THPO: variants seen among roughly 807,000 people sequenced by gnomAD.
THPO encodes the protein thrombopoietin.
In THPO, 12 loss-of-function variants were observed where a neutral mutation model predicts 17.0. That is an observed-to-expected ratio of 0.71 (90% confidence interval 0.45 to 1.14). The LOEUF (loss-of-function observed/expected upper bound fraction) is 1.14. Among genes scored for constraint, THPO ranks in the 50% most tolerant of loss-of-function variants. THPO has a pLI of 0.00. For missense variants in THPO, 365 were observed against 427.5 expected (o/e 0.85, Z 1.29); for synonymous variants, 188 against 183.0 (o/e 1.03, Z -0.22).
intron 1 of THPO, among the ~76,000 whole-genome samples, chr3:184,377,724 T>G (rs1300599890): frequency 6.6e-6 from 1 of 152,170 alleles, no homozygotes; most frequent in Non-Finnish European, 1.5e-5. Context: ...TAACGAGGAA[T>G]GACCAGCTAA....
At chr3:184,378,585 G>C (rs1714655803), upstream of THPO, among the ~76,000 whole-genome samples, 1 of 152,186 alleles carries the variant, frequency 6.6e-6, no homozygotes, top group Non-Finnish European at 1.5e-5. Context: ...AATCCCCTAG[G>C]GAGTCCTATC....
At chr3:184,378,918 A>G (rs2108629264), upstream of THPO, 5 of 972,738 alleles carry the variant, frequency 5.1e-6, no homozygotes, top group Non-Finnish European at 6.1e-6. Flanking sequence ...GTCTTAGGAA[A>G]GACAGCTGCT....
chr3:184,377,006 C>T (rs966550552), intron 1 of THPO, among the ~76,000 whole-genome samples: 3 of 152,088 alleles, frequency 2.0e-5, no homozygotes, highest in Admixed American at 1.3e-4. Context: ...TCTTAATTAG[C>T]CTTAAATTCT....
Position 184,372,386 on chromosome 3 carries a change from TC to T in THPO, c.*126del. On this transcript the variant is annotated 3_prime_UTR_variant, in exon 6 of 6. Transcript: ENST00000647395. ...ATGATTCCCTTTTCAGTCCTGTGTATCCCTTTTACCAGGGCTTTGGGTTTCA... is the reference window on the plus strand; with the variant it reads ...ATGATTCCCTTTTCAGTCCTGTGTATCCTTTTACCAGGGCTTTGGGTTTCA... 1 of 1,134,468 alleles carries T rather than the reference TC, an allele frequency of 8.8e-7. No individual in the cohort carries two copies. The highest frequency in any genetic ancestry group is 1.3e-6 in the Non-Finnish European group (1 of 750,314). 70.3% of individuals were successfully genotyped at this position (1,134,468 alleles called of 1,614,324 possible).
chr3:184,372,979 G>A lies in THPO; in HGVS notation c.596C>T (p.Thr199Ile), dbSNP rs1226635686. ...GAAGTTTGTCTCCAACAATCCAGAAGTCCTGTTTGGGAGCTCGTTCAGTGT... is the reference window on the plus strand; with the variant it reads ...GAAGTTTGTCTCCAACAATCCAGAAATCCTGTTTGGGAGCTCGTTCAGTGT... ...VLTLNELPNR[T>I]SGLLETNFTA... The change falls in exon 6 of 6, where the codon ACT (threonine) becomes ATT (isoleucine). Residue 199 changes from threonine to isoleucine, a missense_variant. Physicochemically the swap from Thr to Ile is moderately conservative, Grantham distance 89. Coordinates refer to ENST00000647395, the MANE Select transcript of THPO (RefSeq NM_000460.4). 1 of 1,614,068 alleles carries A rather than the reference G, an allele frequency of 6.2e-7. No individual in the cohort carries two copies. The highest frequency in any genetic ancestry group is 8.5e-7 in the Non-Finnish European group (1 of 1,180,044).
intron 1 of THPO, among the ~76,000 whole-genome samples, chr3:184,376,992 C>T (rs1714473529): frequency 6.6e-6 from 1 of 152,194 alleles, no homozygotes; most frequent in South Asian, 2.1e-4. Context: ...TGTATACACA[C>T]ATATCTTAAT....
At chr3:184,378,817 C>T (rs894106342), upstream of THPO, 5 of 985,378 alleles carry the variant, frequency 5.1e-6, no homozygotes, top group South Asian at 2.3e-4. Context: ...GACCTCTGTG[C>T]CCAGGGCCCT....
In THPO at chr3:184,373,500, G is replaced by T. The variant is rs1297613826; in HGVS notation, c.311C>A (p.Pro104His). ...GVMAARGQLG[P>H]TCLSSLLGQL... Reference sequence around the variant, plus strand: ...CCCCAGGAGGGATGAGAGGCAAGTGGGTCCCAGTTGTCCCCGTGCTGCCAT... The same window carrying T: ...CCCCAGGAGGGATGAGAGGCAAGTGTGTCCCAGTTGTCCCCGTGCTGCCAT... Residue 104 changes from proline (P) to histidine (H), a missense_variant, in exon 5 of 6, where the codon CCC (proline) becomes CAC (histidine). By Grantham distance (77) the Pro-to-His change is moderately conservative (BLOSUM62 -2). Transcript: ENST00000647395. 6.2e-7 allele frequency: 1 copy of T among 1,614,108 alleles called. No homozygotes were observed. Among genetic ancestry groups the T allele is most frequent in the South Asian group, 1.1e-5 (1 of 91,076 alleles).
At position 184,372,606 on chromosome 3, in the gene THPO, C is replaced by T. The variant is rs776362678; in HGVS notation, c.969G>A (p.Leu323=). ...LPTPVVQLHP[L]LPDPSAPTPT... ...GCGTTGGAGCAGAAGGGTCAGGAAG[C>T]AGGGGGTGGAGCTGGACCACAGGGG... The change falls in exon 6 of 6, where the codon CTG becomes CTA. Residue 323 remains leucine, a synonymous_variant. Coordinates refer to ENST00000647395, the MANE Select transcript of THPO (RefSeq NM_000460.4). The T allele has an allele frequency of 8.1e-6, 13 of 1,613,344 alleles. No individual in the cohort carries two copies. The highest frequency in any genetic ancestry group is 1.0e-5 in the Non-Finnish European group (12 of 1,179,764).
At chr3:184,379,452 C>G (rs1223740123), upstream of THPO, among the ~76,000 whole-genome samples, 1 of 152,038 alleles carries the variant, frequency 6.6e-6, no homozygotes, top group Non-Finnish European at 1.5e-5. Flanking sequence ...CGGTTTCTGG[C>G]TAGGTCCCTG....
chr3:184,372,576 G>A lies in THPO; in HGVS notation c.999C>T (p.Thr333=), dbSNP rs1259448911. The change falls in exon 6 of 6, where the codon ACC becomes ACT. Residue 333 remains threonine (T), a synonymous_variant. Transcript: ENST00000647395. The stretch of plus-strand genomic sequence containing the variant: ...ATGTGTTTAGAAGAGGGCTGGTAGG[G>A]GTGGGCGTTGGAGCAGAAGGGTCAG... ...LLPDPSAPTP[T]PTSPLLNTSY... The A allele has an allele frequency of 1.2e-6, 2 of 1,613,996 alleles. No individual in the cohort carries two copies. Among genetic ancestry groups the A allele is most frequent in the Admixed American group, 3.3e-5 (2 of 59,998 alleles).
At position 184,375,965 on chromosome 3, in the gene THPO, T is replaced by C. The variant is rs752087985; in HGVS notation, c.64A>G (p.Ser22Gly). The change falls in exon 3 of 6, where the codon AGC becomes GGC. Residue 22 changes from serine (S) to glycine (G), a missense_variant. Ser to Gly is a moderately conservative substitution (Grantham distance 56, BLOSUM62 0). Coordinates refer to ENST00000647395, the MANE Select transcript of THPO (RefSeq NM_000460.4). ...AGGTCACAAGCAGGAGGAGCCGGGC[T>C]GGACAGCGTTAGCCTTGCAGTTAGG... ...LLLTARLTLS[S>G]PAPPACDLRV... 4 of 1,613,996 alleles carry C rather than the reference T, an allele frequency of 2.5e-6. No homozygotes were observed. The East Asian group carries it at 8.9e-5, about 36-fold the overall frequency.
At chr3:184,374,367 G>C (rs1714211507) in intron 4 of THPO, among the ~76,000 whole-genome samples, 1 of 152,214 alleles carries the variant, frequency 6.6e-6, no homozygotes, top group Non-Finnish European at 1.5e-5. Context: ...AGGGACGCTA[G>C]GGTTCTTGAG....
Position 184,372,885 on chromosome 3 carries a change from AG to A in THPO, c.689del (p.Pro230LeufsTer4), listed in dbSNP as rs1714034710. On this transcript the variant is annotated frameshift_variant, in exon 6 of 6. Coordinates refer to ENST00000647395, the MANE Select transcript of THPO (RefSeq NM_000460.4). LOFTEE classifies it low-confidence loss of function (END_TRUNC). ...ACCTGGAGGTTTGGTTCAGCAGACC[AG>A]GAATCTTGGCTCTGAATCCCTGCTG... is the stretch of plus-strand genomic sequence containing the variant. ...KWQQGFRAKIPGLLNQTSRSL... is the reference protein window; with the variant it reads ...KWQQGFRAKIXGLLNQTSRSL... The A allele has an allele frequency of 1.9e-6, 3 of 1,614,032 alleles. No individual in the cohort carries two copies. Among genetic ancestry groups the A allele is most frequent in the Non-Finnish European group, 2.5e-6 (3 of 1,179,970 alleles).
intron 4 of THPO, among the ~76,000 whole-genome samples, chr3:184,374,598 A>G (rs751698107): frequency 2.0e-5 from 3 of 152,220 alleles, no homozygotes; most frequent in Non-Finnish European, 4.4e-5. Context: ...GATGCTAAAC[A>G]TCAAACAGAC....
Position 184,373,511 on chromosome 3 carries a change from T to C in THPO, c.300A>G (p.Gly100=), listed in dbSNP as rs760348606. ...LLLEGVMAAR[G]QLGPTCLSSL... is the part of the protein sequence containing the mutation. ...ATGAGAGGCAAGTGGGTCCCAGTTGTCCCCGTGCTGCCATCACTCCCTCCA... is the reference window on the plus strand; with the variant it reads ...ATGAGAGGCAAGTGGGTCCCAGTTGCCCCCGTGCTGCCATCACTCCCTCCA... The change falls in exon 5 of 6, where the codon GGA becomes GGG. Residue 100 remains glycine (G), a synonymous_variant. Transcript: ENST00000647395. 1.4e-5 allele frequency: 23 copies of C among 1,614,096 alleles called. No individual in the cohort carries two copies. The highest frequency in any genetic ancestry group is 1.6e-5 in the Non-Finnish European group (19 of 1,180,026).
upstream of THPO, chr3:184,378,414 G>A: frequency 1.0e-6 from 1 of 984,830 alleles, no homozygotes; most frequent in Non-Finnish European, 1.2e-6. Flanking sequence ...TTTTCCAGGA[G>A]GAATCTGGCA....
chr3:184,379,081 C>A (rs369270176), upstream of THPO, among the ~76,000 whole-genome samples: 367 of 152,314 alleles, frequency 2.4e-3, 1 homozygote, highest in African/African-American at 8.5e-3. Context: ...CCCTGTCCCC[C>A]AGAACTTCCT....
At position 184,375,508 on chromosome 3, in the gene THPO, T is replaced by G. The variant is rs747070106; in HGVS notation, c.228+7A>C. The G allele has an allele frequency of 6.2e-7, 1 of 1,613,936 alleles. No homozygotes were observed. The highest frequency in any genetic ancestry group is 8.5e-7 in the Non-Finnish European group (1 of 1,179,960). On this transcript the variant is annotated splice_region_variant and intron_variant, in intron 4 of 5. Coordinates refer to ENST00000647395, the MANE Select transcript of THPO (RefSeq NM_000460.4). Reference sequence around the variant, plus strand: ...AGGGAAGCCAAGGTTAGGGATGGCTTTCTTACCATCTGGGTTTTCCATTCT... The same window carrying G: ...AGGGAAGCCAAGGTTAGGGATGGCTGTCTTACCATCTGGGTTTTCCATTCT...
Sources: gnomAD v4.1 joint callset for allele counts (sites outside exome capture counted in the v4.1 genomes callset) on GRCh38, gnomAD v4.1.1 for gene constraint, MANE v1.5 for transcripts, NCBI Gene and HGNC (gene_info 2026-07-23, HGNC 2026-07-21) for gene names.